The following TBXAS1 variants were observed in gnomAD, a reference collection of about 807,000 sequenced individuals.
The protein encoded by TBXAS1 is thromboxane-A synthase.
In TBXAS1, 48 loss-of-function variants were observed where a neutral mutation model predicts 60.7. That is an observed-to-expected ratio of 0.79 (90% CI 0.63 to 1.01). The LOEUF is 1.01. Ranked by LOEUF, TBXAS1 falls within the 50% of genes least tolerant of loss-of-function variation. The probability of loss-of-function intolerance (pLI) is 0.00; values close to 1 mark genes in which losing one functional copy is unlikely to be tolerated. For synonymous variants in TBXAS1, 287 were observed against 269.7 expected (o/e 1.06, Z -0.63); for missense variants, 685 against 686.3 (o/e 1.00, Z 0.02).
intron 4 of TBXAS1, among the ~76,000 whole-genome samples, chr7:139,928,616 G>A (rs1023219325): frequency 3.3e-5 from 5 of 152,198 alleles, no homozygotes; most frequent in African/African-American, 9.7e-5. Context: ...GTAGAAATCT[G>A]TGGGTCTCTA....
chr7:139,893,652 G>T (rs1263837077), intron 3 of TBXAS1, among the ~76,000 whole-genome samples: 2 of 152,054 alleles, frequency 1.3e-5, no homozygotes, highest in Non-Finnish European at 2.9e-5. Context: ...TTTGCACCAA[G>T]AACAGTAACT....
chr7:139,934,061 C>T (rs1029953418), intron 4 of TBXAS1, among the ~76,000 whole-genome samples: 1 of 152,158 alleles, frequency 6.6e-6, no homozygotes, highest in Non-Finnish European at 1.5e-5. Flanking sequence ...GGAAAATATA[C>T]TTTCTCCAAG....
chr7:139,874,687 C>A (rs1272647004), intron 2 of TBXAS1, among the ~76,000 whole-genome samples: 1 of 151,830 alleles, frequency 6.6e-6, no homozygotes. Context: ...CCATTTGCCA[C>A]CCCCCACACC....
chr7:139,911,370 A>T, intron 4 of TBXAS1, 49 bp downstream of exon 4: 1 of 1,493,278 alleles, frequency 6.7e-7, no homozygotes, highest in African/African-American at 1.4e-5. Flanking sequence ...TTGTTCTCAG[A>T]TGGAGACACT....
chr7:139,959,659 G>T (rs1240661478), intron 8 of TBXAS1, among the ~76,000 whole-genome samples: 1 of 152,200 alleles, frequency 6.6e-6, no homozygotes, highest in Non-Finnish European at 1.5e-5. Flanking sequence ...AAGAGGAAAG[G>T]ATGCTGGCTG....
upstream of TBXAS1, among the ~76,000 whole-genome samples, chr7:139,827,122 T>A (rs142144318): frequency 2.0e-5 from 3 of 152,296 alleles, no homozygotes; most frequent in East Asian, 5.8e-4. Flanking sequence ...GCATCCCTTC[T>A]CTCTGGGTGA....
rs1807022672 is a variant in TBXAS1 at position 139,927,955 on chromosome 7, TAG to T, written c.334-8233_334-8232del. Among the ~76,000 whole-genome samples the T allele has an allele frequency of 2.0e-5, 3 of 152,310 alleles. No individual in the cohort carries two copies. The South Asian group carries it at 6.2e-4, about 32-fold the overall frequency. ...GACAATCATGCCATCTACAAATAAATAGAGTTTTACTTCTTCCATTCCAATTT... is the reference window on the plus strand; with the variant it reads ...GACAATCATGCCATCTACAAATAAATAGTTTTACTTCTTCCATTCCAATTT... On this transcript the variant is annotated intron_variant, in intron 4 of 12. Coordinates refer to ENST00000448866, the MANE Select transcript of TBXAS1 (RefSeq NM_001061.7).
At chr7:139,890,265 G>A (rs1803480174) in intron 3 of TBXAS1, among the ~76,000 whole-genome samples, 1 of 140,426 alleles carries the variant, frequency 7.1e-6, no homozygotes, top group South Asian at 2.2e-4. Context: ...GCCCAGGCTG[G>A]AGTGCTGTGG....
At chr7:139,899,294 G>C (rs1238472463) in intron 3 of TBXAS1, among the ~76,000 whole-genome samples, 2 of 152,132 alleles carry the variant, frequency 1.3e-5, no homozygotes, top group African/African-American at 4.8e-5. Flanking sequence ...GTCGGTGCCT[G>C]TAGGTGACCC....
At chr7:139,792,114 A>C (rs1797404631) in intron 4 of TBXAS1, among the ~76,000 whole-genome samples, 1 of 152,208 alleles carries the variant, frequency 6.6e-6, no homozygotes, top group Admixed American at 6.5e-5. Flanking sequence ...TTTCGTGCAT[A>C]TCATATCATG....
intron 1 of TBXAS1, among the ~76,000 whole-genome samples, chr7:139,865,305 C>T (rs1454177794): frequency 6.6e-6 from 1 of 152,126 alleles, no homozygotes; most frequent in African/African-American, 2.4e-5. Context: ...CTTACAGTTT[C>T]TCTTGTGGGT....
intron 9 of TBXAS1, among the ~76,000 whole-genome samples, chr7:139,997,000 T>A (rs1169073945): frequency 6.6e-6 from 1 of 152,240 alleles, no homozygotes; most frequent in Non-Finnish European, 1.5e-5. Context: ...CCATCCTACA[T>A]GTCGTTGTCA....
At chr7:139,898,835 A>G (rs1400984701) in intron 3 of TBXAS1, among the ~76,000 whole-genome samples, 1 of 152,150 alleles carries the variant, frequency 6.6e-6, no homozygotes, top group Non-Finnish European at 1.5e-5. Context: ...CTCTTTAATC[A>G]TAGGAACAGT....
At chr7:139,849,220 A>T (rs1156358371) in intron 1 of TBXAS1, among the ~76,000 whole-genome samples, 1 of 151,978 alleles carries the variant, frequency 6.6e-6, no homozygotes, top group Non-Finnish European at 1.5e-5. Context: ...CTCTACAGAA[A>T]ATACAACAAT....
intron 5 of TBXAS1, among the ~76,000 whole-genome samples, chr7:139,943,410 G>A (rs541218489): frequency 6.6e-6 from 1 of 152,262 alleles, no homozygotes; most frequent in African/African-American, 2.4e-5. Flanking sequence ...TTAAATTCTG[G>A]TTTAAATGTT....
chr7:139,935,375 G>C (rs940348255), intron 4 of TBXAS1, among the ~76,000 whole-genome samples: 1 of 152,190 alleles, frequency 6.6e-6, no homozygotes, highest in Non-Finnish European at 1.5e-5. Flanking sequence ...TCTGGACAGA[G>C]CAAATTCAAG....
At chr7:139,917,842 T>G (rs561426095) in intron 4 of TBXAS1, among the ~76,000 whole-genome samples, 22 of 152,332 alleles carry the variant, frequency 1.4e-4, no homozygotes, top group African/African-American at 4.3e-4. Flanking sequence ...TATATATTTT[T>G]TTAACAAAAA....
intron 5 of TBXAS1, among the ~76,000 whole-genome samples, chr7:139,939,892 A>G (rs917125365): frequency 6.6e-6 from 1 of 152,198 alleles, no homozygotes; most frequent in Non-Finnish European, 1.5e-5. Flanking sequence ...AAGAAACACG[A>G]GGACGAAAAA....
intron 5 of TBXAS1, among the ~76,000 whole-genome samples, chr7:139,942,535 G>A (rs1181499137): frequency 6.6e-6 from 1 of 152,162 alleles, no homozygotes; most frequent in Non-Finnish European, 1.5e-5. Context: ...ATGGCAGCTT[G>A]TATGTTCTCC....
Sources: allele counts gnomAD v4.1 joint callset (sites outside exome capture counted in the v4.1 genomes callset), GRCh38; gene constraint gnomAD v4.1.1; transcripts MANE v1.5; gene names NCBI Gene and HGNC (gene_info 2026-07-23, HGNC 2026-07-21).